The following DOP1A variants were observed in gnomAD, a reference collection of about 807,000 sequenced individuals.
DOP1A encodes protein DOP1A.
In DOP1A, 90 loss-of-function variants were observed where a neutral mutation model predicts 267.6. That is an observed-to-expected ratio of 0.34 (90% CI 0.28 to 0.40). The LOEUF (loss-of-function observed/expected upper bound fraction) is 0.40, where lower values mean the gene tolerates loss of function less well. Ranked by LOEUF, DOP1A falls within the 10% of genes least tolerant of loss-of-function variation. DOP1A has a pLI of 1.00. For missense variants in DOP1A, 2,437 were observed against 2,900.4 expected, an observed-to-expected ratio of 0.84 and a Z score of 3.67; for synonymous variants, 932 against 999.1, an observed-to-expected ratio of 0.93 and a Z score of 1.27.
Position 83,159,810 on chromosome 6 carries a change from C to T in DOP1A, c.6812C>T (p.Ser2271Phe). ...DEDISRTSGPSVAGLETTYTG... is the reference protein window; with the variant it reads ...DEDISRTSGPFVAGLETTYTG... ...CCTGCTTACAGGACTTCAGGGCCCT[C>T]TGTGGCTGGTCTGGAGACAACGTAC... Residue 2271 changes from serine to phenylalanine, a missense_variant, in exon 37 of 39, where the codon TCT becomes TTT. Transcript: ENST00000349129. 6.2e-7 allele frequency: 1 copy of T among 1,614,174 alleles called. No homozygotes were observed. The highest frequency in any genetic ancestry group is 8.5e-7 in the Non-Finnish European group (1 of 1,180,036).
chr6:83,114,384 G>A (rs931276444), intron 7 of DOP1A, among the ~76,000 whole-genome samples: 7 of 152,228 alleles, frequency 4.6e-5, no homozygotes, highest in South Asian at 2.1e-4. Context: ...TCATCTCAGC[G>A]TAATCTAAAT....
chr6:83,168,601 T>C (rs920183496), downstream of DOP1A: 24 of 997,302 alleles, frequency 2.4e-5, no homozygotes, highest in African/African-American at 4.0e-4. Flanking sequence ...AATTAGTTTT[T>C]CTCCCACATA....
Position 83,113,412 on chromosome 6 carries a change from C to T in DOP1A, c.771C>T (p.His257=). 6.2e-7 allele frequency: 1 copy of T among 1,613,418 alleles called. No homozygotes were observed. The highest frequency in any genetic ancestry group is 8.5e-7 in the Non-Finnish European group (1 of 1,179,574). Residue 257 remains histidine (H), a synonymous_variant, in exon 7 of 39, where the codon CAC becomes CAT. Transcript: ENST00000349129. ...LDLILFCFPF[H]MSQATRPDMI... ...TCATACTCTTCTGTTTTCCATTCCA[C>T]ATGAGTCAGGTAAAATATTAACGCC...
At position 83,139,296 on chromosome 6, in the gene DOP1A, C is replaced by A; in HGVS notation, c.5120+134C>A. ...TAGGTTACAAATAGTGTATTACTTT[C>A]CACAAAAAAGAAAATTTGACTTGAG... On this transcript the variant is annotated intron_variant, in intron 21 of 38. Transcript: ENST00000349129. 7.8e-6 allele frequency: 5 copies of A among 638,528 alleles called. No homozygotes were observed. The South Asian group carries it at 8.4e-5, about 11-fold the overall frequency. 39.6% of individuals were successfully genotyped at this position (638,528 alleles called of 1,614,324 possible).
intron 3 of DOP1A, among the ~76,000 whole-genome samples, chr6:83,099,663 C>T (rs1044867794): frequency 4.0e-5 from 6 of 150,144 alleles, no homozygotes; most frequent in African/African-American, 1.2e-4. Context: ...TGTGATAGAA[C>T]AAGGCAAGGA....
At chr6:83,085,778 T>TTTGTGTTATG (rs1769064679) in intron 1 of DOP1A, among the ~76,000 whole-genome samples, 1 of 142,956 alleles carries the variant, frequency 7.0e-6, no homozygotes, top group Non-Finnish European at 1.5e-5. Flanking sequence ...TTTGCGGTAT[T>TTTGTGTTATG]TTATGTTATG....
chr6:83,165,667 G>A (rs1785318001), intron 38 of DOP1A: 1 of 203,596 alleles, frequency 4.9e-6, no homozygotes, highest in African/African-American at 2.3e-5. Flanking sequence ...ACGTTGCTGA[G>A]ATGCCTAAAG....
At chr6:83,169,975 A>G, downstream of DOP1A, 2 of 385,792 alleles carry the variant, frequency 5.2e-6, no homozygotes, top group Non-Finnish European at 9.8e-6. Context: ...TCACAAGAGT[A>G]TATTTTTAAA....
chr6:83,166,588 G>T, intron 38 of DOP1A: 1 of 640,916 alleles, frequency 1.6e-6, no homozygotes, highest in Non-Finnish European at 2.6e-6. Flanking sequence ...TGCTTAAAAT[G>T]ATGTATAACA....
intron 1 of DOP1A, among the ~76,000 whole-genome samples, chr6:83,093,136 A>G (rs1431418434): frequency 6.6e-6 from 1 of 152,148 alleles, no homozygotes; most frequent in Non-Finnish European, 1.5e-5. Flanking sequence ...TTTGTTCTCT[A>G]CTCTCACTGT....
At position 83,129,040 on chromosome 6, in the gene DOP1A, G is replaced by A. The variant is rs1258655123; in HGVS notation, c.1873G>A (p.Gly625Arg). The A allele has an allele frequency of 3.1e-6, 5 of 1,613,932 alleles. No individual in the cohort carries two copies. Among genetic ancestry groups the A allele is most frequent in the African/African-American group, 1.3e-5 (1 of 75,016 alleles). ...DIDRELSEGQ[G>R]AAAIPIGSTS... is the part of the protein sequence containing the mutation. ...TGACAGAGAACTGAGTGAGGGCCAG[G>A]GGGCAGCTGCCATCCCAATTGGTAG... Residue 625 changes from glycine (G) to arginine (R), a missense_variant, in exon 16 of 39, where the codon GGG becomes AGG. This residue lies in a region of DOP1A where 498 missense variants were observed against 513.5 expected (regional missense o/e 0.97). Transcript: ENST00000349129.
At chr6:83,083,107 CAA>C (rs1216134965) in intron 1 of DOP1A, among the ~76,000 whole-genome samples, 1 of 151,124 alleles carries the variant, frequency 6.6e-6, no homozygotes, top group East Asian at 2.0e-4. Flanking sequence ...CATGCCTGGC[CAA>C]AAACCCACTC....
In DOP1A at chr6:83,132,250, T is replaced by A. The variant is rs1339426783; in HGVS notation, c.2691T>A (p.Phe897Leu). The A allele has an allele frequency of 6.2e-7, 1 of 1,613,894 alleles. No individual in the cohort carries two copies. Among genetic ancestry groups the A allele is most frequent in the South Asian group, 1.1e-5 (1 of 91,060 alleles). The change falls in exon 18 of 39, where the codon TTT becomes TTA. Residue 897 changes from phenylalanine (F) to leucine (L), a missense_variant. Physicochemically the swap from Phe to Leu is conservative, Grantham distance 22. This residue lies in a region of DOP1A where 878 missense variants were observed against 992.9 expected (regional missense o/e 0.88). Coordinates refer to ENST00000349129, the MANE Select transcript of DOP1A (RefSeq NM_015018.4). ...ATCACCAGAAGAGTGTGGAACTATTTTATCAATTACATAACTTAGTTCCTT... is the reference window on the plus strand; with the variant it reads ...ATCACCAGAAGAGTGTGGAACTATTATATCAATTACATAACTTAGTTCCTT... ...PQHHQKSVEL[F>L]YQLHNLVPSS...
chr6:83,171,284 ATTTATATCTATTTTTAATTTT>A (rs1189062989), downstream of DOP1A: 2 of 152,170 alleles, frequency 1.3e-5, no homozygotes, highest in Admixed American at 6.5e-5. Flanking sequence ...GTTTCTCTAC[ATTTATATCTATTTTTAATTTT>A]TTTATATCTA....
intron 3 of DOP1A, among the ~76,000 whole-genome samples, chr6:83,098,641 C>G (rs1771942356): frequency 6.6e-6 from 1 of 152,156 alleles, no homozygotes. Flanking sequence ...TGAAGAGATG[C>G]ATAGTGTGAG....
chr6:83,099,816 C>T (rs1310898744), intron 3 of DOP1A, among the ~76,000 whole-genome samples: 5 of 151,558 alleles, frequency 3.3e-5, no homozygotes, highest in Admixed American at 3.3e-4. Flanking sequence ...ATGGTCATTT[C>T]ATATATTATG....
chr6:83,115,776 T>C (rs1775336748), intron 7 of DOP1A, among the ~76,000 whole-genome samples: 1 of 152,082 alleles, frequency 6.6e-6, no homozygotes, highest in Non-Finnish European at 1.5e-5. Flanking sequence ...AGTTACCGTG[T>C]TGTACCGTAG....
intron 38 of DOP1A, chr6:83,167,242 A>G (rs1037568254): frequency 1.0e-6 from 1 of 971,800 alleles, no homozygotes; most frequent in African/African-American, 1.8e-5. Flanking sequence ...CACTAACTCA[A>G]TTCCTTTGAC....
At chr6:83,091,087 C>T (rs1770295893) in intron 1 of DOP1A, among the ~76,000 whole-genome samples, 6 of 149,622 alleles carry the variant, frequency 4.0e-5, no homozygotes, top group Admixed American at 2.0e-4. Context: ...TAATGGATGG[C>T]AGCAGGCAAA....
Sources: allele counts gnomAD v4.1 joint callset (sites outside exome capture counted in the v4.1 genomes callset), GRCh38; gene constraint gnomAD v4.1.1; regional missense constraint gnomAD v4.1.1; transcripts MANE v1.5; gene names NCBI Gene and HGNC (gene_info 2026-07-23, HGNC 2026-07-21).